MAP7: variants seen among roughly 807,000 people sequenced by gnomAD.
MAP7 encodes the protein microtubule associated protein 7.
In MAP7, 52 loss-of-function variants were observed where a neutral mutation model predicts 94.8. The observed-to-expected ratio is 0.55, with a 90% CI of 0.44 to 0.69. MAP7 has a LOEUF of 0.69. Among genes scored for constraint, MAP7 ranks in the 30% least tolerant of loss-of-function variants. The pLI is 0.00. For missense variants in MAP7, 940 were observed against 964.6 expected (o/e 0.97, Z 0.34); for synonymous variants, 350 against 357.0 (o/e 0.98, Z 0.22).
intron 1 of MAP7, chr6:136,525,878 A>G: frequency 6.5e-7 from 1 of 1,535,444 alleles, no homozygotes; most frequent in South Asian, 1.2e-5. Flanking sequence ...CGTCTTCCTC[A>G]TTAATGGTGA....
intron 6 of MAP7, among the ~76,000 whole-genome samples, chr6:136,382,856 TTAAA>T (rs1321681846): frequency 6.6e-6 from 1 of 152,214 alleles, no homozygotes; most frequent in Non-Finnish European, 1.5e-5. Flanking sequence ...TTTTTTACTT[TTAAA>T]GAGTATGGGC....
At chr6:136,510,979 A>G (rs1172197359) in intron 1 of MAP7, among the ~76,000 whole-genome samples, 2 of 152,004 alleles carry the variant, frequency 1.3e-5, no homozygotes, top group African/African-American at 2.4e-5. Flanking sequence ...AGTTCATGAT[A>G]TCGTAGGTGG....
At chr6:136,372,422 C>T in intron 8 of MAP7, 79 bp downstream of exon 8, 9 of 1,539,174 alleles carry the variant, frequency 5.8e-6, no homozygotes, top group Non-Finnish European at 8.0e-6. Flanking sequence ...GCCCACACCA[C>T]AGCTCAGGGT....
Position 136,394,808 on chromosome 6 carries a change from T to A in MAP7, c.245-5291A>T, listed in dbSNP as rs1389144487. ...CTTTTCTTTAGTTCCCATATATGAG[T>A]GAGAACATGCAATATTTGTCTTTCT... On this transcript the variant is annotated intron_variant, in intron 3 of 17. Transcript: ENST00000354570. 8.6e-5 allele frequency among the ~76,000 whole-genome samples: 13 copies of A among 150,614 alleles called. No individual in the cohort carries two copies. The East Asian group carries it at 2.6e-3, about 30-fold the overall frequency.
intron 1 of MAP7, among the ~76,000 whole-genome samples, chr6:136,538,426 G>C (rs558916119): frequency 1.0e-3 from 157 of 152,224 alleles, no homozygotes; most frequent in African/African-American, 3.7e-3. Context: ...GGTGTTAGGA[G>C]GTCCATCTCT....
chr6:136,493,698 A>C (rs1817388199), intron 1 of MAP7, among the ~76,000 whole-genome samples: 1 of 152,216 alleles, frequency 6.6e-6, no homozygotes, highest in African/African-American at 2.4e-5. Flanking sequence ...ATTCCTATGA[A>C]ACATGTTGAA....
chr6:136,370,595 T>C (rs1288216961), intron 8 of MAP7, among the ~76,000 whole-genome samples: 2 of 152,340 alleles, frequency 1.3e-5, no homozygotes, highest in East Asian at 1.9e-4. Flanking sequence ...AAGGAAATTC[T>C]GACATATGCT....
intron 1 of MAP7, among the ~76,000 whole-genome samples, chr6:136,441,679 C>T (rs1208915414): frequency 1.3e-5 from 2 of 152,154 alleles, no homozygotes; most frequent in African/African-American, 2.4e-5. Context: ...ACCCCTCTCC[C>T]TGAGCACCCA....
At chr6:136,483,337 A>G (rs959014192) in intron 1 of MAP7, among the ~76,000 whole-genome samples, 4 of 151,998 alleles carry the variant, frequency 2.6e-5, no homozygotes, top group African/African-American at 9.7e-5. Context: ...AGAAGGGAAC[A>G]ACAGACACCA....
chr6:136,471,749 A>T (rs1042055079), intron 1 of MAP7, among the ~76,000 whole-genome samples: 18 of 152,166 alleles, frequency 1.2e-4, no homozygotes, highest in Admixed American at 1.1e-3. Flanking sequence ...TCTACACTTC[A>T]CAAAAGCAGA....
Position 136,357,817 on chromosome 6 carries a change from T to C in MAP7, c.1913-1023A>G, listed in dbSNP as rs1255828103. Among the ~76,000 whole-genome samples, 5 of 152,324 alleles carry C rather than the reference T, an allele frequency of 3.3e-5. No individual in the cohort carries two copies. The East Asian group carries it at 7.7e-4, about 24-fold the overall frequency. On this transcript the variant is annotated intron_variant, in intron 15 of 17. Transcript: ENST00000354570. ...CTGAAATAATTTCAAGACAATGTTATTTTACAACCTGGCACAAATTCAATA... is the reference window on the plus strand; with the variant it reads ...CTGAAATAATTTCAAGACAATGTTACTTTACAACCTGGCACAAATTCAATA...
intron 1 of MAP7, among the ~76,000 whole-genome samples, chr6:136,463,113 C>T (rs2128918526): frequency 6.6e-6 from 1 of 152,106 alleles, no homozygotes; most frequent in East Asian, 1.9e-4. Flanking sequence ...TTTTATGCAG[C>T]ATAGTTGTAG....
At chr6:136,373,162 G>C (rs1386961681) in intron 7 of MAP7, among the ~76,000 whole-genome samples, 4 of 152,152 alleles carry the variant, frequency 2.6e-5, no homozygotes, top group Admixed American at 6.5e-5. Flanking sequence ...GGGGAAAAAA[G>C]CAACCAAACT....
intron 1 of MAP7, among the ~76,000 whole-genome samples, chr6:136,540,871 C>A (rs1354408311): frequency 2.6e-5 from 4 of 152,136 alleles, no homozygotes; most frequent in Non-Finnish European, 5.9e-5. Flanking sequence ...TTTAAATGGT[C>A]CCCAGGTGAT....
intron 1 of MAP7, among the ~76,000 whole-genome samples, chr6:136,447,096 C>G (rs568552447): frequency 2.6e-5 from 4 of 152,156 alleles, no homozygotes; most frequent in Admixed American, 6.5e-5. Context: ...CCTTTTCAAT[C>G]TGTATCATGG....
At chr6:136,345,781 G>A (rs201293748) in intron 17 of MAP7, 75 bp downstream of exon 17, 222 of 1,141,884 alleles carry the variant, frequency 1.9e-4, no homozygotes, top group Middle Eastern at 7.7e-4. Flanking sequence ...TCATACTGTA[G>A]AAGGCAGCAG....
chr6:136,502,962 G>T (rs1020228478), intron 1 of MAP7, among the ~76,000 whole-genome samples: 1 of 152,080 alleles, frequency 6.6e-6, no homozygotes, highest in Non-Finnish European at 1.5e-5. Flanking sequence ...GCTTCCTCTT[G>T]TTAACTAAAA....
At chr6:136,374,181 T>C (rs1388125812) in intron 7 of MAP7, among the ~76,000 whole-genome samples, 1 of 152,246 alleles carries the variant, frequency 6.6e-6, no homozygotes, top group Non-Finnish European at 1.5e-5. Context: ...ACGTCTTAAT[T>C]GGAAACTGAC....
intron 1 of MAP7, among the ~76,000 whole-genome samples, chr6:136,497,624 C>A (rs2129003083): frequency 6.6e-6 from 1 of 151,462 alleles, no homozygotes; most frequent in South Asian, 2.1e-4. Context: ...CATGGTGAAA[C>A]CCTGTCTCTA....
Sources: gnomAD v4.1 joint callset for allele counts (sites outside exome capture counted in the v4.1 genomes callset) on GRCh38, gnomAD v4.1.1 for gene constraint, MANE v1.5 for transcripts, NCBI Gene and HGNC (gene_info 2026-07-23, HGNC 2026-07-21) for gene names.